Variants in PARM1 observed in about 807,000 individuals in gnomAD.
The protein encoded by PARM1 is prostate androgen-regulated mucin-like protein 1, also known as WSC4, cell wall integrity and stress response component 4 homolog.
In PARM1, 14 loss-of-function variants were observed where a neutral mutation model predicts 24.6. The observed-to-expected ratio is 0.57, with a 90% confidence interval of 0.38 to 0.89. The LOEUF (loss-of-function observed/expected upper bound fraction) is 0.89, where lower values mean the gene tolerates loss of function less well. Among genes scored for constraint, PARM1 ranks in the 40% least tolerant of loss-of-function variants. The pLI, the probability that PARM1 is intolerant of heterozygous loss-of-function variation, is 0.00. For missense variants in PARM1, 362 were observed against 380.4 expected (o/e 0.95, Z 0.40); for synonymous variants, 179 against 156.6 (o/e 1.14, Z -1.07).
At chr4:74,997,573 G>A (rs544129317) in intron 1 of PARM1, 12 of 152,278 alleles carry the variant, frequency 7.9e-5, no homozygotes, top group African/African-American at 2.6e-4. Flanking sequence ...ACAGAAATAA[G>A]GGAGCTGGTG....
At chr4:75,033,301 A>G (rs1723305439) in intron 2 of PARM1, among the ~76,000 whole-genome samples, 1 of 152,218 alleles carries the variant, frequency 6.6e-6, no homozygotes, top group Non-Finnish European at 1.5e-5. Context: ...CCACAGAGGA[A>G]TGTTTTAAAA....
chr4:74,972,081 CCT>C (rs1406291951), intron 1 of PARM1, among the ~76,000 whole-genome samples: 2 of 152,172 alleles, frequency 1.3e-5, no homozygotes, highest in East Asian at 3.8e-4. Context: ...ACATGCACGC[CCT>C]GTCTCTGAGC....
intron 2 of PARM1, among the ~76,000 whole-genome samples, chr4:75,013,441 G>C (rs1448380486): frequency 6.6e-6 from 1 of 152,206 alleles, no homozygotes; most frequent in Non-Finnish European, 1.5e-5. Context: ...GCATGGCTTT[G>C]GCCAAGCTTC....
At chr4:75,003,534 G>A (rs1289586224) in intron 1 of PARM1, among the ~76,000 whole-genome samples, 1 of 152,068 alleles carries the variant, frequency 6.6e-6, no homozygotes, top group Non-Finnish European at 1.5e-5. Flanking sequence ...TTTTTGGATT[G>A]AATTATGTCT....
intron 1 of PARM1, among the ~76,000 whole-genome samples, chr4:74,989,916 G>T (rs1028349393): frequency 1.3e-5 from 2 of 152,166 alleles, no homozygotes; most frequent in African/African-American, 4.8e-5. Context: ...ATGCTGTGTG[G>T]ATTGTATTGG....
rs540022954 is a variant in PARM1 at position 75,049,731 on chromosome 4, G to A, written c.*3484G>A. ...TTTGTGGGGTTAATTTTGATTTGAT[G>A]TCATCTGTTTGCCCTTCATCTTGCT... On this transcript the variant is annotated 3_prime_UTR_variant, in exon 4 of 4. Coordinates refer to ENST00000307428, the MANE Select transcript of PARM1 (RefSeq NM_015393.4). The A allele has an allele frequency of 1.3e-5, 2 of 152,694 alleles. No individual in the cohort carries two copies. Among genetic ancestry groups the A allele is most frequent in the South Asian group, 4.1e-4 (2 of 4,830 alleles). 9.5% of individuals were successfully genotyped at this position (152,694 alleles called of 1,614,324 possible). A position where few individuals can be genotyped will look rare whatever the true frequency, so the allele number is the denominator to read the frequency against.
Position 75,013,116 on chromosome 4 carries a change from G to A in PARM1, c.735G>A (p.Val245=). ...AGACCACCACCACCTTTCCCAGGGT[G>A]ATCATGCAGGAAGTAGAACATGCAT... The part of the protein sequence containing the change: ...DMETTTTFPR[V]IMQEVEHALS... The change falls in exon 2 of 4, where the codon GTG becomes GTA. Residue 245 remains valine (V), a synonymous_variant. Transcript: ENST00000307428. The A allele has an allele frequency of 6.2e-7, 1 of 1,613,754 alleles. No homozygotes were observed. The highest frequency in any genetic ancestry group is 1.1e-5 in the South Asian group (1 of 91,060).
intron 1 of PARM1, among the ~76,000 whole-genome samples, chr4:74,944,568 C>T (rs1721374027): frequency 6.6e-6 from 1 of 152,074 alleles, no homozygotes; most frequent in Admixed American, 6.5e-5. Flanking sequence ...TGGGAGTCAC[C>T]ATGTTCTCCG....
intron 1 of PARM1, among the ~76,000 whole-genome samples, chr4:74,986,450 C>T (rs1411638018): frequency 6.6e-6 from 1 of 152,218 alleles, no homozygotes; most frequent in African/African-American, 2.4e-5. Context: ...TATTCCTCCA[C>T]ACCCTTTGTG....
At chr4:74,945,046 A>G (rs1275245937) in intron 1 of PARM1, among the ~76,000 whole-genome samples, 1 of 152,240 alleles carries the variant, frequency 6.6e-6, no homozygotes, top group Non-Finnish European at 1.5e-5. Flanking sequence ...CATACTGGGC[A>G]ATATTAGGCA....
chr4:74,945,978 G>A (rs1721404249), intron 1 of PARM1, among the ~76,000 whole-genome samples: 1 of 152,168 alleles, frequency 6.6e-6, no homozygotes, highest in South Asian at 2.1e-4. Flanking sequence ...GGGTGATCTA[G>A]GCCAACCTCT....
At chr4:74,990,932 A>T (rs1344149784) in intron 1 of PARM1, among the ~76,000 whole-genome samples, 1 of 152,196 alleles carries the variant, frequency 6.6e-6, no homozygotes, top group Non-Finnish European at 1.5e-5. Context: ...GAGGAGCTAG[A>T]TGTGAAGAAG....
Position 74,955,663 on chromosome 4 carries a change from G to A in PARM1, c.43+22293G>A, listed in dbSNP as rs769008527. Among the ~76,000 whole-genome samples the A allele has an allele frequency of 5.5e-4, 83 of 152,094 alleles. 3 individuals carry two copies. The highest frequency in any genetic ancestry group is 7.4e-5 in the Non-Finnish European group (5 of 68,006). ...GTACTGGCTTTAGTTTTTTGTGGCC[G>A]TAGCTTCCAACACGTCGATCACTCT... On this transcript the variant is annotated intron_variant, in intron 1 of 3. Coordinates refer to ENST00000307428, the MANE Select transcript of PARM1 (RefSeq NM_015393.4).
At chr4:75,015,618 C>T (rs78378429) in intron 2 of PARM1, among the ~76,000 whole-genome samples, 44 of 152,280 alleles carry the variant, frequency 2.9e-4, no homozygotes, top group African/African-American at 1.1e-3. Flanking sequence ...ACAAGTAACT[C>T]TTAATATCAG....
At chr4:74,937,180 GT>G (rs1721211788) in intron 1 of PARM1, among the ~76,000 whole-genome samples, 1 of 152,148 alleles carries the variant, frequency 6.6e-6, no homozygotes, top group Non-Finnish European at 1.5e-5. Context: ...CTTGATATAT[GT>G]CAGCTTAGTA....
intron 2 of PARM1, among the ~76,000 whole-genome samples, chr4:75,020,024 A>G (rs1295089492): frequency 2.3e-5 from 3 of 132,942 alleles, no homozygotes; most frequent in Middle Eastern, 3.3e-3. Context: ...AAAAAAAAAA[A>G]AAAAAAAAAA....
intron 1 of PARM1, among the ~76,000 whole-genome samples, chr4:74,998,816 C>T (rs958224711): frequency 7.2e-5 from 11 of 152,214 alleles, no homozygotes; most frequent in African/African-American, 1.4e-4. Context: ...CTACTCCCCT[C>T]GGATTGCCTG....
At chr4:74,953,706 G>A (rs1721574348) in intron 1 of PARM1, among the ~76,000 whole-genome samples, 1 of 152,338 alleles carries the variant, frequency 6.6e-6, no homozygotes, top group South Asian at 2.1e-4. Context: ...TTCCATGGAA[G>A]ATTGTACTTT....
rs1475255051 is a variant in PARM1, at chr4:75,046,252, G to A, written c.*5G>A. Reference sequence around the variant, plus strand: ...CCTCTGTACGATGACTCCTAACAATGGAATATGGCCTGGGATGAGGATTAA... The same window carrying A: ...CCTCTGTACGATGACTCCTAACAATAGAATATGGCCTGGGATGAGGATTAA... On this transcript the variant is annotated 3_prime_UTR_variant, in exon 4 of 4. Coordinates refer to ENST00000307428, the MANE Select transcript of PARM1 (RefSeq NM_015393.4). The A allele has an allele frequency of 1.9e-6, 3 of 1,574,788 alleles. No homozygotes were observed. Among genetic ancestry groups the A allele is most frequent in the Non-Finnish European group, 2.6e-6 (3 of 1,144,376 alleles).
Sources: gnomAD v4.1 joint callset for allele counts (sites outside exome capture counted in the v4.1 genomes callset) on GRCh38, gnomAD v4.1.1 for gene constraint, MANE v1.5 for transcripts, NCBI Gene and HGNC (gene_info 2026-07-23, HGNC 2026-07-21) for gene names.